Variants in RTL4 observed in about 807,000 individuals in gnomAD.
RTL4 encodes the protein retrotransposon Gag-like protein 4.
In RTL4, 4 loss-of-function variants were observed where a neutral mutation model predicts 5.3. The ratio of observed to expected loss-of-function variants is 0.75; its 90% CI spans 0.37 to 1.72. The LOEUF (loss-of-function observed/expected upper bound fraction) is 1.72, where lower values mean the gene tolerates loss of function less well. Among genes scored for constraint, RTL4 ranks in the 40% most tolerant of loss-of-function variants. The pLI is 0.04. For missense variants in RTL4, 260 were observed against 227.1 expected, an observed-to-expected ratio of 1.14 and a Z score of -0.93; for synonymous variants, 98 against 87.3, an observed-to-expected ratio of 1.12 and a Z score of -0.68.
At chrX:112,220,279 T>C in the RTL4 span, among the ~76,000 whole-genome samples, 1 of 112,735 alleles carries the variant, frequency 8.9e-6, no homozygotes, top group African/African-American at 3.2e-5. Context: ...AATATATATA[T>C]TTTTAAAAAG....
At chrX:112,303,636 T>C in the RTL4 span, among the ~76,000 whole-genome samples, 3 of 88,484 alleles carry the variant, frequency 3.4e-5, no homozygotes, top group South Asian at 6.4e-4. Context: ...AGGGATAGCA[T>C]TAGGAGATAT....
chrX:112,340,885 T>G, the RTL4 span, among the ~76,000 whole-genome samples: 1 of 109,741 alleles, frequency 9.1e-6, no homozygotes, highest in African/African-American at 3.3e-5. Flanking sequence ...CCCAGCTAAT[T>G]TTTGTATTTT....
chrX:112,294,154 A>G, the RTL4 span, among the ~76,000 whole-genome samples: 1 of 111,961 alleles, frequency 8.9e-6, no homozygotes, highest in Non-Finnish European at 1.9e-5. Context: ...TGGGAAATAC[A>G]TTGATCTTAT....
At chrX:112,197,018 A>G in the RTL4 span, among the ~76,000 whole-genome samples, 46 of 109,171 alleles carry the variant, frequency 4.2e-4, no homozygotes, top group Non-Finnish European at 6.7e-4. Context: ...GATGTTGAGC[A>G]TTTTTCATAT....
the RTL4 span, among the ~76,000 whole-genome samples, chrX:112,089,516 G>T: frequency 1.8e-5 from 2 of 110,987 alleles, no homozygotes; most frequent in African/African-American, 6.5e-5. Context: ...TTTCCTGATC[G>T]AATGATACTG....
chrX:112,277,934 A>G, the RTL4 span, among the ~76,000 whole-genome samples: 1 of 112,092 alleles, frequency 8.9e-6, no homozygotes, highest in Non-Finnish European at 1.9e-5. Context: ...AAGTAAGGCT[A>G]AAAATTTGCA....
chrX:112,259,453 T>C, the RTL4 span, among the ~76,000 whole-genome samples: 1 of 110,911 alleles, frequency 9.0e-6, no homozygotes, highest in African/African-American at 3.3e-5. Flanking sequence ...TGCTAGCTCC[T>C]GGAGATACTA....
the RTL4 span, among the ~76,000 whole-genome samples, chrX:112,378,550 T>C: frequency 6.6e-3 from 735 of 111,900 alleles, 4 homozygotes; most frequent in African/African-American, 0.022. Flanking sequence ...TGGATAGACC[T>C]ACAGGAGTGG....
chrX:112,173,169 A>G, the RTL4 span, among the ~76,000 whole-genome samples: 3 of 110,331 alleles, frequency 2.7e-5, no homozygotes, highest in Non-Finnish European at 3.8e-5. Context: ...AAAGTTGATG[A>G]AAAAAAAACA....
the RTL4 span, among the ~76,000 whole-genome samples, chrX:112,155,764 T>C: frequency 1.8e-5 from 2 of 111,751 alleles, no homozygotes; most frequent in Non-Finnish European, 3.8e-5. Flanking sequence ...GAAAAATTGA[T>C]TTTGCCATTT....
At chrX:112,253,485 C>G in the RTL4 span, among the ~76,000 whole-genome samples, 1 of 112,261 alleles carries the variant, frequency 8.9e-6, no homozygotes, top group Non-Finnish European at 1.9e-5. Flanking sequence ...ACTTAATATA[C>G]CAAAAACAGA....
the RTL4 span, among the ~76,000 whole-genome samples, chrX:112,436,444 G>A: frequency 9.0e-6 from 1 of 111,337 alleles, no homozygotes; most frequent in Non-Finnish European, 1.9e-5. Flanking sequence ...CTTCTGAGCT[G>A]TTGGTGTGGG....
chrX:112,243,339 G>C, the RTL4 span, among the ~76,000 whole-genome samples: 1 of 110,940 alleles, frequency 9.0e-6, no homozygotes, highest in Non-Finnish European at 1.9e-5. Flanking sequence ...ACTTTTTTTG[G>C]TTAGTAGGCT....
At chrX:112,113,638 T>C in the RTL4 span, among the ~76,000 whole-genome samples, 3 of 111,802 alleles carry the variant, frequency 2.7e-5, no homozygotes, top group Admixed American at 9.4e-5. Context: ...AGTCCTATTG[T>C]TGAATCATCT....
chrX:112,326,419 TCCA>T, the RTL4 span, among the ~76,000 whole-genome samples: 7 of 111,286 alleles, frequency 6.3e-5, no homozygotes, highest in African/African-American at 2.3e-4. Flanking sequence ...TCGGGTCACT[TCCA>T]CCCGAATACT....
At chrX:112,103,258 T>C in the RTL4 span, among the ~76,000 whole-genome samples, 1 of 111,938 alleles carries the variant, frequency 8.9e-6, no homozygotes, top group Non-Finnish European at 1.9e-5. Flanking sequence ...AATGAGACCC[T>C]GTCCTTTGCA....
chrX:112,369,452 A>C, the RTL4 span, among the ~76,000 whole-genome samples: 1 of 110,444 alleles, frequency 9.1e-6, no homozygotes, highest in Non-Finnish European at 1.9e-5. Context: ...AGAATCCTTC[A>C]TAACTGTCTG....
At chrX:112,130,786 T>G in the RTL4 span, among the ~76,000 whole-genome samples, 1 of 100,868 alleles carries the variant, frequency 9.9e-6, no homozygotes, top group Non-Finnish European at 2.0e-5. Context: ...CACTTATGGG[T>G]GTGGGTTTTT....
chrX:112,102,600 T>C, the RTL4 span, among the ~76,000 whole-genome samples: 1 of 111,293 alleles, frequency 9.0e-6, no homozygotes, highest in Non-Finnish European at 1.9e-5. Flanking sequence ...TTAGCCTATC[T>C]GGGAAAATCA....
Sources: allele counts gnomAD v4.1 joint callset (sites outside exome capture counted in the v4.1 genomes callset), GRCh38; gene constraint gnomAD v4.1.1; transcripts MANE v1.5; gene names NCBI Gene and HGNC (gene_info 2026-07-23, HGNC 2026-07-21).